NLGN1: variants seen among roughly 807,000 people sequenced by gnomAD.
The protein encoded by NLGN1 is neuroligin-1.
In NLGN1, 12 loss-of-function variants were observed where a neutral mutation model predicts 65.5. That is an observed-to-expected ratio of 0.18 (90% CI 0.12 to 0.30). NLGN1 has a LOEUF of 0.30. Ranked by LOEUF, NLGN1 falls within the 10% of genes least tolerant of loss-of-function variation. The pLI is 1.00. For missense variants in NLGN1, 750 were observed against 1,007.1 expected (o/e 0.74, Z 3.46); for synonymous variants, 350 against 359.5 (o/e 0.97, Z 0.30).
At chr3:174,029,730 G>C (rs947818717) in intron 4 of NLGN1, among the ~76,000 whole-genome samples, 1 of 152,160 alleles carries the variant, frequency 6.6e-6, no homozygotes, top group African/African-American at 2.4e-5. Flanking sequence ...GGGCCAGGTG[G>C]AGATAATTGA....
chr3:174,124,738 A>G lies in NLGN1; in HGVS notation c.647-150577A>G, dbSNP rs1718579685. Reference sequence around the variant, plus strand: ...TATTTATACGTATATGTGTATATACATATATTACACACGTATATAAAATAT... The same window carrying G: ...TATTTATACGTATATGTGTATATACGTATATTACACACGTATATAAAATAT... On this transcript the variant is annotated intron_variant, in intron 4 of 6. Coordinates refer to ENST00000457714, the Ensembl canonical transcript of NLGN1. 1.1e-4 allele frequency among the ~76,000 whole-genome samples: 17 copies of G among 150,690 alleles called. No individual in the cohort carries two copies. In the Admixed American group the frequency reaches 1.1e-3, roughly 10 times the overall value.
intron 4 of NLGN1, among the ~76,000 whole-genome samples, chr3:173,838,878 G>A (rs577575332): frequency 2.0e-5 from 3 of 152,252 alleles, no homozygotes; most frequent in Non-Finnish European, 2.9e-5. Context: ...AGCAGTCTAC[G>A]TTTGACTGAT....
At chr3:173,829,642 A>G (rs371106104) in intron 4 of NLGN1, among the ~76,000 whole-genome samples, 3 of 152,084 alleles carry the variant, frequency 2.0e-5, no homozygotes, top group African/African-American at 7.2e-5. Context: ...ACAATACAGT[A>G]TTATTAATTA....
At chr3:173,892,864 G>C (rs1044041950) in intron 4 of NLGN1, among the ~76,000 whole-genome samples, 68 of 152,312 alleles carry the variant, frequency 4.5e-4, no homozygotes, top group African/African-American at 1.6e-3. Flanking sequence ...TGGAAGCTAT[G>C]TTGTCCCTGA....
chr3:173,584,170 A>G (rs1228937556), intron 2 of NLGN1, among the ~76,000 whole-genome samples: 1 of 151,236 alleles, frequency 6.6e-6, no homozygotes, highest in Non-Finnish European at 1.5e-5. Context: ...TCAAGTAGTC[A>G]TATACTATTC....
chr3:174,239,886 T>C (rs558326011), intron 4 of NLGN1, among the ~76,000 whole-genome samples: 23 of 152,264 alleles, frequency 1.5e-4, no homozygotes, highest in African/African-American at 5.5e-4. Context: ...AGTAAAATAA[T>C]ATTTTTCCTT....
chr3:173,827,343 C>A (rs1374371937), intron 4 of NLGN1, among the ~76,000 whole-genome samples: 5 of 151,956 alleles, frequency 3.3e-5, no homozygotes, highest in African/African-American at 9.7e-5. Context: ...TTTAAGGGAA[C>A]AAAATTGCTT....
rs188383021 is a variant in NLGN1, at chr3:173,948,805, C to T, written c.646+140973C>T. On this transcript the variant is annotated intron_variant, in intron 4 of 6. Transcript: ENST00000457714. Reference sequence around the variant, plus strand: ...CTGATTATTCCTAAAGTTTTATTTTCGAATGATTCCATGATTGGACATTAT... The same window carrying T: ...CTGATTATTCCTAAAGTTTTATTTTTGAATGATTCCATGATTGGACATTAT... Among the ~76,000 whole-genome samples the T allele has an allele frequency of 1.4e-4, 22 of 152,218 alleles. No homozygotes were observed. The East Asian group carries it at 2.7e-3, about 19-fold the overall frequency.
chr3:173,507,980 T>C (rs1732304735), intron 2 of NLGN1, among the ~76,000 whole-genome samples: 1 of 152,166 alleles, frequency 6.6e-6, no homozygotes, highest in African/African-American at 2.4e-5. Context: ...ACCTCATTAA[T>C]TGAGAGGTAC....
intron 3 of NLGN1, among the ~76,000 whole-genome samples, chr3:173,765,338 A>G (rs1778616749): frequency 6.6e-6 from 1 of 152,170 alleles, no homozygotes; most frequent in Non-Finnish European, 1.5e-5. Context: ...TTGACCAGAT[A>G]GACAAGAACT....
chr3:174,035,046 T>G (rs116629703), intron 4 of NLGN1, among the ~76,000 whole-genome samples: 405 of 152,234 alleles, frequency 2.7e-3, no homozygotes, highest in Non-Finnish European at 5.1e-3. Flanking sequence ...CAAGGAATAA[T>G]TATCAGGGGT....
chr3:173,498,307 G>C (rs981194228), intron 2 of NLGN1, among the ~76,000 whole-genome samples: 10 of 151,320 alleles, frequency 6.6e-5, no homozygotes, highest in Non-Finnish European at 1.5e-4. Context: ...ATGCGGTGTT[G>C]GGTTTTTTGT....
At chr3:173,751,349 T>C (rs1776272508) in intron 3 of NLGN1, among the ~76,000 whole-genome samples, 1 of 152,114 alleles carries the variant, frequency 6.6e-6, no homozygotes, top group African/African-American at 2.4e-5. Context: ...TTATTTAATA[T>C]ATAAAGATAT....
At chr3:173,690,531 A>G (rs1765313526) in intron 3 of NLGN1, among the ~76,000 whole-genome samples, 1 of 152,290 alleles carries the variant, frequency 6.6e-6, no homozygotes, top group East Asian at 1.9e-4. Flanking sequence ...CAAATAATAT[A>G]TACTATAAAT....
intron 4 of NLGN1, among the ~76,000 whole-genome samples, chr3:174,156,988 A>G (rs1471910309): frequency 6.7e-6 from 1 of 149,368 alleles, no homozygotes; most frequent in Non-Finnish European, 1.5e-5. Context: ...GAATATATGT[A>G]TATTTATATA....
intron 4 of NLGN1, among the ~76,000 whole-genome samples, chr3:173,834,031 A>C (rs968852062): frequency 1.4e-4 from 22 of 152,104 alleles, no homozygotes; most frequent in African/African-American, 4.8e-4. Context: ...TATGTAGAAA[A>C]TAAGACTTAC....
intron 4 of NLGN1, among the ~76,000 whole-genome samples, chr3:174,125,992 G>A (rs1296023786): frequency 6.6e-6 from 1 of 152,118 alleles, no homozygotes; most frequent in Non-Finnish European, 1.5e-5. Context: ...TAGTCTCACA[G>A]TGCAATAAGT....
intron 2 of NLGN1, among the ~76,000 whole-genome samples, chr3:173,448,265 G>A (rs1317467166): frequency 6.6e-6 from 1 of 152,110 alleles, no homozygotes; most frequent in Admixed American, 6.5e-5. Flanking sequence ...AGAATTTTTA[G>A]CTTGAAGAGT....
intron 4 of NLGN1, among the ~76,000 whole-genome samples, chr3:173,972,990 G>A (rs989193209): frequency 2.6e-5 from 4 of 152,048 alleles, no homozygotes; most frequent in Non-Finnish European, 4.4e-5. Flanking sequence ...TAAAGCACAC[G>A]TTCTGTGTTT....
Sources: allele counts gnomAD v4.1 joint callset (sites outside exome capture counted in the v4.1 genomes callset), GRCh38; gene constraint gnomAD v4.1.1; transcripts MANE v1.5; gene names NCBI Gene and HGNC (gene_info 2026-07-23, HGNC 2026-07-21).